Variants in ELP2 observed in about 807,000 individuals in gnomAD.
The protein encoded by ELP2 is elongator complex protein 2.
ELP2 carries 90 observed loss-of-function variants against 119.2 expected under a neutral mutation model. The ratio of observed to expected loss-of-function variants is 0.75; its 90% CI spans 0.64 to 0.90. The LOEUF (loss-of-function observed/expected upper bound fraction) is 0.90, where lower values mean the gene tolerates loss of function less well. ELP2 is among the 40% of genes least tolerant of loss of function. The pLI, the probability that ELP2 is intolerant of heterozygous loss-of-function variation, is 0.00. For synonymous variants in ELP2, 339 were observed against 331.0 expected, an observed-to-expected ratio of 1.02 and a Z score of -0.26; for missense variants, 921 against 967.8, an observed-to-expected ratio of 0.95 and a Z score of 0.64.
chr18:36,169,442 A>AAAAATAT (rs2091010878), intron 19 of ELP2, among the ~76,000 whole-genome samples: 1 of 149,584 alleles, frequency 6.7e-6, no homozygotes, highest in Non-Finnish European at 1.5e-5. Flanking sequence ...GCTGGAGTGC[A>AAAAATAT]GTGGCACGAT....
At chr18:36,155,258 C>CA (rs2090533295) in intron 12 of ELP2, among the ~76,000 whole-genome samples, 1 of 64,662 alleles carries the variant, frequency 1.5e-5, no homozygotes, top group African/African-American at 5.9e-5. Context: ...GGTGATGCAC[C>CA]GCCCCTCCCC....
intron 5 of ELP2, chr18:36,139,669 AAAGT>A: frequency 7.0e-7 from 1 of 1,434,876 alleles, no homozygotes; most frequent in Non-Finnish European, 9.2e-7. Flanking sequence ...TAGTTGATCT[AAAGT>A]AAGAAAATCT....
At chr18:36,133,896 G>GTTT (rs1567972210) in intron 2 of ELP2, among the ~76,000 whole-genome samples, 3 of 114,754 alleles carry the variant, frequency 2.6e-5, no homozygotes, top group African/African-American at 1.1e-4. Context: ...GTTTTTTAGG[G>GTTT]GTTTTTTTTT....
chr18:36,166,346 T>TTTTTTTGTG (rs2090904939), intron 18 of ELP2, among the ~76,000 whole-genome samples: 1 of 123,264 alleles, frequency 8.1e-6, no homozygotes. Context: ...TTTTTTTTTT[T>TTTTTTTGTG]TCAGACGGAG....
chr18:36,157,672 A>G (rs1285482989), intron 13 of ELP2, among the ~76,000 whole-genome samples: 1 of 152,246 alleles, frequency 6.6e-6, no homozygotes, highest in Admixed American at 6.5e-5. Flanking sequence ...AATGGAATTC[A>G]TTAGAAATGA....
rs201190290 is a variant in ELP2, at chr18:36,167,227, T to G, written c.2076+5T>G. 34 of 1,574,504 alleles carry G rather than the reference T, an allele frequency of 2.2e-5. No homozygotes were observed. The East Asian group carries it at 7.5e-4, about 35-fold the overall frequency. On this transcript the variant is annotated splice_donor_5th_base_variant and intron_variant, in intron 19 of 21. Transcript: ENST00000358232. ...ACTGGGAGTCGAGACAAAAAGGTAA[T>G]TATTTAAAAATTTAATATTTTTTCA...
intron 17 of ELP2, among the ~76,000 whole-genome samples, chr18:36,163,511 T>C (rs1223043348): frequency 1.3e-5 from 2 of 152,110 alleles, no homozygotes; most frequent in Non-Finnish European, 2.9e-5. Flanking sequence ...TGTGTCTTTC[T>C]TATATCTAGT....
At chr18:36,164,715 C>T in intron 18 of ELP2, 48 bp downstream of exon 18, 2 of 1,544,490 alleles carry the variant, frequency 1.3e-6, no homozygotes, top group Non-Finnish European at 1.8e-6. Context: ...CAGTTATGTT[C>T]ATTTTATCTA....
chr18:36,139,517 T>A, intron 5 of ELP2: 2 of 1,535,746 alleles, frequency 1.3e-6, no homozygotes, highest in South Asian at 2.4e-5. Flanking sequence ...GGTTTCATGT[T>A]ACGCTTCCAT....
intron 11 of ELP2, among the ~76,000 whole-genome samples, chr18:36,150,630 G>A (rs929913513): frequency 2.0e-5 from 3 of 152,230 alleles, no homozygotes; most frequent in Admixed American, 2.0e-4. Flanking sequence ...GGGTGATGAA[G>A]TGGAGAATTT....
Position 36,144,920 on chromosome 18 carries a change from T to C in ELP2, c.797-19T>C. ...AGAAGAGCTTTGAGGAAATAATACC[T>C]TCATTGCTTTTGTTATAGGTGTTAA... On this transcript the variant is annotated intron_variant, in intron 8 of 21. Coordinates refer to ENST00000358232, the MANE Select transcript of ELP2 (RefSeq NM_018255.4). 6.3e-7 allele frequency: 1 copy of C among 1,586,160 alleles called. No homozygotes were observed.
chr18:36,163,144 A>C (rs1167996984), intron 17 of ELP2, among the ~76,000 whole-genome samples: 3 of 152,082 alleles, frequency 2.0e-5, no homozygotes, highest in Non-Finnish European at 4.4e-5. Flanking sequence ...GCTTGTAAGC[A>C]AAGATGTCTG....
intron 5 of ELP2, among the ~76,000 whole-genome samples, chr18:36,140,278 C>T (rs2089975417): frequency 6.6e-6 from 1 of 151,774 alleles, no homozygotes; most frequent in South Asian, 2.1e-4. Context: ...CAAGCACATG[C>T]CACCATGCCT....
At chr18:36,133,013 G>A (rs1429284250) in intron 1 of ELP2, among the ~76,000 whole-genome samples, 1 of 152,092 alleles carries the variant, frequency 6.6e-6, no homozygotes, top group Non-Finnish European at 1.5e-5. Flanking sequence ...TGTAATGGGA[G>A]GACAGGATGC....
Position 36,177,147 on chromosome 18 carries a change from A to G in ELP2, c.*2506A>G, listed in dbSNP as rs1054447442. On this transcript the variant is annotated 3_prime_UTR_variant, in exon 22 of 22. Transcript: ENST00000358232. The stretch of plus-strand genomic sequence containing the variant: ...CATAAAAAATATGATGGGTGGAGTG[A>G]CGGACACATGGACAGATATGAAGCA... The G allele has an allele frequency of 6.6e-6, 1 of 152,156 alleles. No individual in the cohort carries two copies. Among genetic ancestry groups the G allele is most frequent in the African/African-American group, 2.4e-5 (1 of 41,416 alleles). 9.4% of individuals were successfully genotyped at this position (152,156 alleles called of 1,614,324 possible). A position where few individuals can be genotyped will look rare whatever the true frequency, so the allele number is the denominator to read the frequency against.
At position 36,176,170 on chromosome 18, in the gene ELP2, G is replaced by A. The variant is rs1295267111; in HGVS notation, c.*1529G>A. The A allele has an allele frequency of 6.6e-6, 1 of 152,102 alleles. No individual in the cohort carries two copies. The highest frequency in any genetic ancestry group is 1.5e-5 in the Non-Finnish European group (1 of 68,024). The allele number at this position is 152,102 out of a possible 1,614,324, so 9.4% of individuals were successfully genotyped here. ...GAAATATTTTATAGGGCCCATCTCAGTTCAGACTAGCCACATTTAAGTGCT... is the reference window on the plus strand; with the variant it reads ...GAAATATTTTATAGGGCCCATCTCAATTCAGACTAGCCACATTTAAGTGCT... On this transcript the variant is annotated 3_prime_UTR_variant, in exon 22 of 22. Transcript: ENST00000358232.
At chr18:36,155,543 G>C (rs2090546917) in intron 12 of ELP2, among the ~76,000 whole-genome samples, 1 of 152,124 alleles carries the variant, frequency 6.6e-6, no homozygotes, top group African/African-American at 2.4e-5. Flanking sequence ...GAATGATACA[G>C]CCACTCTGGA....
At chr18:36,139,603 A>T (rs1395172439) in intron 5 of ELP2, 2 of 1,533,490 alleles carry the variant, frequency 1.3e-6, no homozygotes, top group East Asian at 2.4e-5. Flanking sequence ...TTCCATCTGC[A>T]TTCAGGCCAA....
chr18:36,164,397 C>A, intron 17 of ELP2, 78 bp from the exon 18 acceptor site: 1 of 1,363,016 alleles, frequency 7.3e-7, no homozygotes. Flanking sequence ...CTCATAGAAA[C>A]AATGTGTTGT....
Sources: allele counts gnomAD v4.1 joint callset (sites outside exome capture counted in the v4.1 genomes callset), GRCh38; gene constraint gnomAD v4.1.1; transcripts MANE v1.5; gene names NCBI Gene and HGNC (gene_info 2026-07-23, HGNC 2026-07-21).